The following FTO variants were observed in gnomAD, a reference collection of about 807,000 sequenced individuals.
FTO encodes the protein FTO alpha-ketoglutarate dependent dioxygenase.
A neutral mutation model predicts 63.9 loss-of-function variants in FTO; 47 were observed. The observed-to-expected ratio is 0.74, with a 90% CI of 0.58 to 0.94. The LOEUF (loss-of-function observed/expected upper bound fraction) is 0.94. FTO is among the 40% of genes least tolerant of loss of function. FTO has a pLI of 0.00. For synonymous variants in FTO, 207 were observed against 224.4 expected, an observed-to-expected ratio of 0.92 and a Z score of 0.69; for missense variants, 562 against 618.1, an observed-to-expected ratio of 0.91 and a Z score of 0.96.
At chr16:53,888,351 A>T (rs1455014428) in intron 6 of FTO, among the ~76,000 whole-genome samples, 5 of 152,076 alleles carry the variant, frequency 3.3e-5, no homozygotes, top group Non-Finnish European at 1.5e-5. Flanking sequence ...CGACCAGCAC[A>T]CACCACTGCC....
intron 7 of FTO, among the ~76,000 whole-genome samples, chr16:53,892,070 A>C (rs1348826651): frequency 6.6e-6 from 1 of 152,180 alleles, no homozygotes; most frequent in Non-Finnish European, 1.5e-5. Context: ...GTGACTTTTT[A>C]CAAATTCATA....
intron 7 of FTO, among the ~76,000 whole-genome samples, chr16:53,932,790 CT>C (rs2082313033): frequency 6.6e-6 from 1 of 152,150 alleles, no homozygotes; most frequent in Non-Finnish European, 1.5e-5. Flanking sequence ...GTTCTGGAAA[CT>C]AGAGATACTC....
At chr16:53,728,005 G>A (rs2076189018) in intron 1 of FTO, among the ~76,000 whole-genome samples, 1 of 152,104 alleles carries the variant, frequency 6.6e-6, no homozygotes, top group Non-Finnish European at 1.5e-5. Flanking sequence ...GCTTTGGGGG[G>A]CTGAGGTGGG....
intron 7 of FTO, among the ~76,000 whole-genome samples, chr16:53,931,813 A>AT (rs1292687531): frequency 2.0e-5 from 3 of 151,578 alleles, no homozygotes; most frequent in East Asian, 1.9e-4. Context: ...CCCACATGGT[A>AT]TTTTTTTAAA....
At chr16:53,936,228 G>A (rs1320342505) in intron 8 of FTO, among the ~76,000 whole-genome samples, 1 of 152,196 alleles carries the variant, frequency 6.6e-6, no homozygotes, top group Non-Finnish European at 1.5e-5. Context: ...GTTAAGGGAG[G>A]AGGAAAGAAA....
chr16:53,919,874 T>G (rs947285422), intron 7 of FTO, among the ~76,000 whole-genome samples: 4 of 152,082 alleles, frequency 2.6e-5, no homozygotes, highest in African/African-American at 9.7e-5. Context: ...GACTACACAT[T>G]GGGTACAGTG....
intron 8 of FTO, among the ~76,000 whole-genome samples, chr16:53,960,228 C>G (rs1438110009): frequency 6.6e-6 from 1 of 152,088 alleles, no homozygotes. Flanking sequence ...GGTTACTAAC[C>G]CTGTGACAGT....
chr16:53,887,407 C>T (rs1337173824), intron 6 of FTO, among the ~76,000 whole-genome samples: 1 of 152,148 alleles, frequency 6.6e-6, no homozygotes, highest in South Asian at 2.1e-4. Context: ...TATTCCACCC[C>T]TGGCATTGGA....
chr16:53,769,291 G>A (rs1481639359), intron 1 of FTO, among the ~76,000 whole-genome samples: 1 of 152,122 alleles, frequency 6.6e-6, no homozygotes, highest in Admixed American at 6.5e-5. Flanking sequence ...CGCATTTATA[G>A]CATACTGATT....
intron 8 of FTO, among the ~76,000 whole-genome samples, chr16:53,982,688 C>G (rs2083575396): frequency 6.6e-6 from 1 of 152,206 alleles, no homozygotes. Context: ...GCTGTTGAAA[C>G]TTCATCACCT....
Position 54,111,630 on chromosome 16 carries a change from AGTC to A in FTO, c.1365-128_1365-126del, listed in dbSNP as rs1267219058. ...CTGCGTTCCACCTGTAGATTCATTCAGTCGTCACCATGACCTTCACCCCCGAGG... is the reference window on the plus strand; with the variant it reads ...CTGCGTTCCACCTGTAGATTCATTCAGTCACCATGACCTTCACCCCCGAGG... On this transcript the variant is annotated intron_variant, in intron 8 of 8. Transcript: ENST00000471389. 3 of 912,826 alleles carry A rather than the reference AGTC, an allele frequency of 3.3e-6. No homozygotes were observed. In the East Asian group the frequency reaches 7.2e-5, roughly 22 times the overall value. 56.5% of individuals were successfully genotyped at this position (912,826 alleles called of 1,614,324 possible). A position where few individuals can be genotyped will look rare whatever the true frequency, so the allele number is the denominator to read the frequency against.
chr16:53,868,792 T>C (rs954270362), intron 4 of FTO, among the ~76,000 whole-genome samples: 2 of 152,090 alleles, frequency 1.3e-5, no homozygotes, highest in Non-Finnish European at 2.9e-5. Flanking sequence ...TCCCTGAATT[T>C]TTATTTGTCT....
At chr16:53,994,759 G>A (rs1316280628) in intron 8 of FTO, among the ~76,000 whole-genome samples, 1 of 151,472 alleles carries the variant, frequency 6.6e-6, no homozygotes, top group African/African-American at 2.4e-5. Flanking sequence ...TCTGAGACAA[G>A]GTCTCGCTCT....
chr16:53,764,942 T>C (rs1226347457), intron 1 of FTO, among the ~76,000 whole-genome samples: 1 of 151,958 alleles, frequency 6.6e-6, no homozygotes, highest in Non-Finnish European at 1.5e-5. Flanking sequence ...CTGGTCTCGA[T>C]TTCCTGACCT....
At chr16:53,893,173 A>G (rs1248697495) in intron 7 of FTO, among the ~76,000 whole-genome samples, 1 of 152,152 alleles carries the variant, frequency 6.6e-6, no homozygotes, top group Non-Finnish European at 1.5e-5. Flanking sequence ...ATTAAGCCCA[A>G]AGCAACATAA....
intron 1 of FTO, among the ~76,000 whole-genome samples, chr16:53,797,705 A>G (rs1184140454): frequency 6.6e-6 from 1 of 152,046 alleles, no homozygotes; most frequent in Non-Finnish European, 1.5e-5. Flanking sequence ...GGTGTTTAAT[A>G]TATATATTTT....
intron 1 of FTO, among the ~76,000 whole-genome samples, chr16:53,740,603 T>C (rs980048858): frequency 6.6e-6 from 1 of 152,228 alleles, no homozygotes; most frequent in Admixed American, 6.5e-5. Context: ...ATTCTTCATC[T>C]TGTAATGCTT....
At chr16:54,013,768 A>G (rs1351129806) in intron 8 of FTO, among the ~76,000 whole-genome samples, 1 of 152,156 alleles carries the variant, frequency 6.6e-6, no homozygotes, top group Admixed American at 6.5e-5. Flanking sequence ...CGTTTTTTAC[A>G]CTATATTGTA....
At chr16:54,072,608 GA>G (rs1215445762) in intron 8 of FTO, 1 of 152,370 alleles carries the variant, frequency 6.6e-6, no homozygotes, top group African/African-American at 2.4e-5. Context: ...ATCTGAATTT[GA>G]AAATCTTGAG....
Sources: gnomAD v4.1 joint callset for allele counts (sites outside exome capture counted in the v4.1 genomes callset) on GRCh38, gnomAD v4.1.1 for gene constraint, MANE v1.5 for transcripts, NCBI Gene and HGNC (gene_info 2026-07-23, HGNC 2026-07-21) for gene names.